The following SPEG variants were observed in gnomAD, a reference collection of about 807,000 sequenced individuals.
SPEG encodes striated muscle preferentially expressed protein kinase.
SPEG carries 114 observed loss-of-function variants against 300.4 expected under a neutral mutation model. The observed-to-expected ratio is 0.38, with a 90% CI of 0.33 to 0.44. The LOEUF is 0.44. Among genes scored for constraint, SPEG ranks in the 20% least tolerant of loss-of-function variants. The probability of loss-of-function intolerance (pLI) is 1.00; values close to 1 mark genes in which losing one functional copy is unlikely to be tolerated. For synonymous variants in SPEG, 1,964 were observed against 2,018.9 expected (o/e 0.97, Z 0.73); for missense variants, 4,201 against 4,586.2 (o/e 0.92, Z 2.43).
Position 219,483,201 on chromosome 2 carries a change from C to T in SPEG, c.5738C>T (p.Pro1913Leu), listed in dbSNP as rs1693030618. 4.3e-6 allele frequency: 7 copies of T among 1,609,898 alleles called. No individual in the cohort carries two copies. The highest frequency in any genetic ancestry group is 1.7e-5 in the Admixed American group (1 of 59,734). Residue 1913 changes from proline (P) to leucine (L), a missense_variant, in exon 30 of 41, where the codon CCC becomes CTC. Pro to Leu is a moderately conservative substitution (Grantham distance 98). Transcript: ENST00000312358. ...RVWVTMPRRP[P>L]PSGGLSSSSD... ...TGGGTGACCATGCCCAGAAGGCCAC[C>T]CCCCAGTGGGGGGCTCTCATCCTCC...
rs1428940593 is a variant in SPEG at position 219,473,815 on chromosome 2, G to C, written c.4359G>C (p.Arg1453=). 17 of 1,613,814 alleles carry C rather than the reference G, an allele frequency of 1.1e-5. No homozygotes were observed. Among genetic ancestry groups the C allele is most frequent in the Non-Finnish European group, 1.4e-5 (17 of 1,180,022 alleles). The change falls in exon 18 of 41, where the codon CGG becomes CGC. Residue 1453 remains arginine, a synonymous_variant. Transcript: ENST00000312358. The surrounding 1 kb of genome is among the most constrained non-coding windows in gnomAD (Gnocchi z 4.6). ...ACCAGTACTGTCTTCGGATCTGCCG[G>C]GTGAGCCGCCGGGACATGGGGGCCC... The part of the protein sequence containing the change: ...DDDQYCLRIC[R]VSRRDMGALT...
In SPEG at chr2:219,490,483, A is replaced by G. The variant is rs765749442; in HGVS notation, c.8996A>G (p.Tyr2999Cys). 5.0e-6 allele frequency: 8 copies of G among 1,613,570 alleles called. No individual in the cohort carries two copies. The highest frequency in any genetic ancestry group is 1.1e-5 in the South Asian group (1 of 91,076). Reference protein sequence around the residue: ...GRTFVAKIVPYAAEGKRRVLQ... With the variant: ...GRTFVAKIVPCAAEGKRRVLQ... ...ACGTTCGTGGCCAAGATCGTGCCCT[A>G]TGCTGCCGAGGGCAAGCGGCGGGTC... is the stretch of plus-strand genomic sequence containing the variant. The change falls in exon 37 of 41, where the codon TAT becomes TGT. Residue 2999 changes from tyrosine to cysteine, a missense_variant. Tyr to Cys is a radical substitution (Grantham distance 194). Around this residue, in one of 4 missense-constraint regions of SPEG, gnomAD observed 318 missense variants for 429.5 expected, o/e 0.74. Coordinates refer to ENST00000312358, the MANE Select transcript of SPEG (RefSeq NM_005876.5).
intron 13 of SPEG, among the ~76,000 whole-genome samples, chr2:219,470,710 A>C (rs1336376541): frequency 6.6e-6 from 1 of 152,142 alleles, no homozygotes; most frequent in Non-Finnish European, 1.5e-5. Context: ...CCTCCTTATC[A>C]TCCAGGGAGC....
In SPEG at chr2:219,485,051, A is replaced by T; in HGVS notation, c.7588A>T (p.Ser2530Cys). 1 of 1,532,612 alleles carries T rather than the reference A, an allele frequency of 6.5e-7. No individual in the cohort carries two copies. Among genetic ancestry groups the T allele is most frequent in the East Asian group, 2.5e-5 (1 of 40,778 alleles). 94.9% of individuals were successfully genotyped at this position (1,532,612 alleles called of 1,614,324 possible). A position where few individuals can be genotyped will look rare whatever the true frequency, so the allele number is the denominator to read the frequency against. Residue 2530 changes from serine (S) to cysteine (C), a missense_variant, in exon 30 of 41, where the codon AGC becomes TGC. Around this residue, in one of 4 missense-constraint regions of SPEG, gnomAD observed 1,578 missense variants for 1,506.0 expected, o/e 1.05. Coordinates refer to ENST00000312358, the MANE Select transcript of SPEG (RefSeq NM_005876.5). Reference protein sequence around the residue: ...PSAESLGSEASATSGSSAPGE... With the variant: ...PSAESLGSEACATSGSSAPGE... Reference sequence around the variant, plus strand: ...CGCCGAGTCCCTGGGCTCCGAGGCCAGCGCCACGTCGGGCTCCTCAGGTGA... The same window carrying T: ...CGCCGAGTCCCTGGGCTCCGAGGCCTGCGCCACGTCGGGCTCCTCAGGTGA...
In SPEG at chr2:219,492,596, G is replaced by A. The variant is rs772347611; in HGVS notation, c.9614G>A (p.Ser3205Asn). 6.2e-7 allele frequency: 1 copy of A among 1,608,232 alleles called. No homozygotes were observed. Among genetic ancestry groups the A allele is most frequent in the Non-Finnish European group, 8.5e-7 (1 of 1,179,928 alleles). The change falls in exon 41 of 41, where the codon AGC (serine) becomes AAC (asparagine). Residue 3205 changes from serine (S) to asparagine (N), a missense_variant and splice_region_variant. By Grantham distance (46) the Ser-to-Asn change is conservative. This residue lies in a region of SPEG where 318 missense variants were observed against 429.5 expected (regional missense o/e 0.74). Coordinates refer to ENST00000312358, the MANE Select transcript of SPEG (RefSeq NM_005876.5). ...TCATCCCTGGCTCTGCCTGGCAGGA[G>A]CCGGCCCTCCCTGCAGGACTGCCTG... is the stretch of plus-strand genomic sequence containing the variant. ...LRKVLSVHPW[S>N]RPSLQDCLAH...
At chr2:219,476,231 T>C (rs1024159472) in intron 18 of SPEG, among the ~76,000 whole-genome samples, 2 of 73,338 alleles carry the variant, frequency 2.7e-5, no homozygotes, top group Non-Finnish European at 6.5e-5. Context: ...GGTTAGTATT[T>C]GGGGGTTGTT....
At chr2:219,447,640 C>T (rs1689409142) in intron 3 of SPEG, among the ~76,000 whole-genome samples, 1 of 151,674 alleles carries the variant, frequency 6.6e-6, no homozygotes. Context: ...GGGTCCTAAG[C>T]CTCATTCTTT....
chr2:219,448,689 G>T lies in SPEG; in HGVS notation c.1531G>T (p.Val511Leu), dbSNP rs1022502030. The change falls in exon 4 of 41, where the codon GTG (valine) becomes TTG (leucine). Residue 511 changes from valine to leucine, a missense_variant. By Grantham distance (32) the Val-to-Leu change is conservative. Around this residue, in one of 4 missense-constraint regions of SPEG, gnomAD observed 1,258 missense variants for 1,293.9 expected, o/e 0.97. Transcript: ENST00000312358. The stretch of plus-strand genomic sequence containing the variant: ...CCGCTCCACGTCGCGGGAGGAGCTG[G>T]TGCGCTCGCACGAGTCCCTGCGCGC... ...IRRSTSREEL[V>L]RSHESLRATL... The T allele has an allele frequency of 5.4e-6, 8 of 1,494,248 alleles. No homozygotes were observed. Among genetic ancestry groups the T allele is most frequent in the Non-Finnish European group, 7.1e-6 (8 of 1,130,138 alleles). 92.6% of individuals were successfully genotyped at this position (1,494,248 alleles called of 1,614,324 possible).
Position 219,443,638 on chromosome 2 carries a change from G to T in SPEG, c.389-1015G>T, listed in dbSNP as rs1689077668. On this transcript the variant is annotated intron_variant, in intron 1 of 40. Transcript: ENST00000312358. The surrounding 1 kb of genome is among the most constrained non-coding windows in gnomAD (Gnocchi z 4.6). Reference sequence around the variant, plus strand: ...ACATCATGATGCAGACAGATAAGGGGTTGGTTTGCAAAGAGGGGTCAAAGC... The same window carrying T: ...ACATCATGATGCAGACAGATAAGGGTTTGGTTTGCAAAGAGGGGTCAAAGC... 9.8e-6 allele frequency: 3 copies of T among 305,736 alleles called. No individual in the cohort carries two copies. The highest frequency in any genetic ancestry group is 5.9e-5 in the South Asian group (2 of 34,100). 18.9% of individuals were successfully genotyped at this position (305,736 alleles called of 1,614,324 possible).
chr2:219,483,798 C>A lies in SPEG; in HGVS notation c.6335C>A (p.Ala2112Glu). 1 of 1,569,190 alleles carries A rather than the reference C, an allele frequency of 6.4e-7. No homozygotes were observed. The highest frequency in any genetic ancestry group is 2.3e-5 in the East Asian group (1 of 43,142). The change falls in exon 30 of 41, where the codon GCA (alanine) becomes GAA (glutamate). Residue 2112 changes from alanine to glutamate, a missense_variant. Around this residue, in one of 4 missense-constraint regions of SPEG, gnomAD observed 1,578 missense variants for 1,506.0 expected, o/e 1.05. Coordinates refer to ENST00000312358, the MANE Select transcript of SPEG (RefSeq NM_005876.5). Reference protein sequence around the residue: ...PRMARAASSEAAPHHQPPLEN... With the variant: ...PRMARAASSEEAPHHQPPLEN... ...ATGGCACGAGCTGCCTCCAGCGAGG[C>A]AGCGCCCCACCACCAGCCCCCACTC...
chr2:219,455,894 G>A (rs1008423158), intron 6 of SPEG, among the ~76,000 whole-genome samples: 1 of 152,174 alleles, frequency 6.6e-6, no homozygotes, highest in African/African-American at 2.4e-5. Context: ...GAGTATGGGA[G>A]GCCCCATGGG....
chr2:219,485,640 A>G (rs1693344104), intron 31 of SPEG, among the ~76,000 whole-genome samples, 163 bp downstream of exon 31: 1 of 152,222 alleles, frequency 6.6e-6, no homozygotes, highest in Admixed American at 6.5e-5. Context: ...CATTCATTAG[A>G]TAAGCTGAGT....
At position 219,480,779 on chromosome 2, in the gene SPEG, T is replaced by A; in HGVS notation, c.5369+82T>A. 1.5e-6 allele frequency: 2 copies of A among 1,299,502 alleles called. No individual in the cohort carries two copies. The highest frequency in any genetic ancestry group is 2.2e-6 in the Non-Finnish European group (2 of 895,046). 80.5% of individuals were successfully genotyped at this position (1,299,502 alleles called of 1,614,324 possible). ...TGCAGGGCTGCAGCCCACCCCCTTC[T>A]CTTCCGCACCCCCCACTCCTTCTTG... On this transcript the variant is annotated intron_variant, in intron 26 of 40. Coordinates refer to ENST00000312358, the MANE Select transcript of SPEG (RefSeq NM_005876.5). This position sits in a 1 kb window ranked among gnomAD's most constrained non-coding sequence, Gnocchi z 5.3.
rs747464249 is a variant in SPEG, at chr2:219,448,807, C to T, written c.1649C>T (p.Pro550Leu). 1.8e-4 allele frequency: 247 copies of T among 1,401,940 alleles called. No individual in the cohort carries two copies. Among genetic ancestry groups the T allele is most frequent in the Non-Finnish European group, 5.4e-5 (59 of 1,086,328 alleles). The allele number at this position is 1,401,940 out of a possible 1,614,324, so 86.8% of individuals were successfully genotyped here. A position where few individuals can be genotyped will look rare whatever the true frequency, so the allele number is the denominator to read the frequency against. The change falls in exon 4 of 41, where the codon CCC (proline) becomes CTC (leucine). Residue 550 changes from proline to leucine, a missense_variant. This residue lies in a region of SPEG where 1,258 missense variants were observed against 1,293.9 expected (regional missense o/e 0.97). Transcript: ENST00000312358. The stretch of plus-strand genomic sequence containing the variant: ...CCCAAGACATCGCGGGCCGTGAGCC[C>T]CGCCGCCGCCCAGCCGCCCTCTCCG... ...STPKTSRAVS[P>L]AAAQPPSPSS...
rs777587343 is a variant in SPEG at position 219,488,334 on chromosome 2, G to A, written c.7858+24G>A. 42 of 1,569,386 alleles carry A rather than the reference G, an allele frequency of 2.7e-5. 2 individuals carry two copies. In the South Asian group the frequency reaches 4.6e-4, roughly 17 times the overall value. On this transcript the variant is annotated intron_variant, in intron 32 of 40. Transcript: ENST00000312358. The stretch of plus-strand genomic sequence containing the variant: ...AGGTAAGGAGACTCTGTCTCCCACA[G>A]AGAGGGAGGCCAGCAAGTGGCCCTG...
chr2:219,441,281 C>T (rs1373357356), intron 1 of SPEG, among the ~76,000 whole-genome samples: 1 of 152,124 alleles, frequency 6.6e-6, no homozygotes, highest in Non-Finnish European at 1.5e-5. Context: ...ATGGGGGTAC[C>T]TCTGTGCACC....
intron 6 of SPEG, among the ~76,000 whole-genome samples, chr2:219,452,570 A>G (rs1272202345): frequency 1.3e-5 from 2 of 151,888 alleles, no homozygotes; most frequent in Non-Finnish European, 2.9e-5. Context: ...CTCAACCCTC[A>G]AGGGGGTTCC....
Position 219,446,413 on chromosome 2 carries a change from C to T in SPEG, c.815+1252C>T, listed in dbSNP as rs528382441. Among the ~76,000 whole-genome samples the T allele has an allele frequency of 9.2e-5, 14 of 152,284 alleles. No individual in the cohort carries two copies. In the East Asian group the frequency reaches 2.5e-3, roughly 27 times the overall value. ...CCTCAATTTCTCTCCAGGCCTCACCCACTTCCCAGAGGCTCTTCCCTGGGG... is the reference window on the plus strand; with the variant it reads ...CCTCAATTTCTCTCCAGGCCTCACCTACTTCCCAGAGGCTCTTCCCTGGGG... On this transcript the variant is annotated intron_variant, in intron 3 of 40. Coordinates refer to ENST00000312358, the MANE Select transcript of SPEG (RefSeq NM_005876.5).
intron 12 of SPEG, 41 bp downstream of exon 12, chr2:219,469,089 G>GGGGCC (rs1284189244): frequency 1.6e-5 from 26 of 1,608,132 alleles, no homozygotes; most frequent in Non-Finnish European, 2.0e-5. Flanking sequence ...CTGCCTGTGA[G>GGGGCC]GGGCCAGCCC....
Sources: gnomAD v4.1 joint callset for allele counts (sites outside exome capture counted in the v4.1 genomes callset) on GRCh38, gnomAD v4.1.1 for gene constraint, gnomAD v4.1.1 regional missense constraint, Gnocchi (gnomAD v3.1) non-coding constraint, MANE v1.5 for transcripts, NCBI Gene and HGNC (gene_info 2026-07-23, HGNC 2026-07-21) for gene names.